The following OR51B5 variants were observed in gnomAD, a reference collection of about 807,000 sequenced individuals.
OR51B5 encodes the protein olfactory receptor family 51 subfamily B member 5.
For synonymous variants in OR51B5, 186 were observed against 144.8 expected, an observed-to-expected ratio of 1.28 and a Z score of -2.04; for missense variants, 456 against 374.6, an observed-to-expected ratio of 1.22 and a Z score of -1.79.
intron 1 of OR51B5, among the ~76,000 whole-genome samples, chr11:5,487,079 G>T (rs576674589): frequency 6.6e-6 from 1 of 152,232 alleles, no homozygotes; most frequent in South Asian, 2.1e-4. Flanking sequence ...ATGGACAGTA[G>T]GGTGAGGCAA....
At chr11:5,351,186 TTCTTTC>T (rs2133686916) in intron 1 of OR51B5, among the ~76,000 whole-genome samples, 1 of 152,328 alleles carries the variant, frequency 6.6e-6, no homozygotes, top group South Asian at 2.1e-4. Flanking sequence ...TAGTGATTTC[TTCTTTC>T]ATTTTGTTTT....
At chr11:5,351,579 GA>G (rs758710267) in intron 1 of OR51B5, 2 of 1,613,966 alleles carry the variant, frequency 1.2e-6, no homozygotes, top group African/African-American at 2.7e-5. Context: ...CACATCACTG[GA>G]TATTCATCCC....
intron 1 of OR51B5, among the ~76,000 whole-genome samples, chr11:5,448,046 A>C (rs1384080579): frequency 6.6e-6 from 1 of 152,218 alleles, no homozygotes. Flanking sequence ...AGGTTTAATT[A>C]TGCCAAATTC....
intron 1 of OR51B5, among the ~76,000 whole-genome samples, chr11:5,357,775 A>C (rs1211524231): frequency 6.6e-6 from 1 of 150,976 alleles, no homozygotes; most frequent in East Asian, 1.9e-4. Flanking sequence ...AAAGAACAGA[A>C]ATTATAACAA....
intron 1 of OR51B5, chr11:5,489,772 AGC>A (rs1212634185): frequency 1.3e-6 from 1 of 788,256 alleles, no homozygotes; most frequent in African/African-American, 1.7e-5. Flanking sequence ...CATGGCAGGA[AGC>A]TCTGGAAGGA....
chr11:5,353,779 T>A (rs1198867983), intron 1 of OR51B5, among the ~76,000 whole-genome samples: 1 of 152,240 alleles, frequency 6.6e-6, no homozygotes, highest in African/African-American at 2.4e-5. Context: ...ATACTGACAC[T>A]CAGTGATCTA....
At chr11:5,473,533 G>T (rs1418411177) in intron 1 of OR51B5, among the ~76,000 whole-genome samples, 3 of 152,194 alleles carry the variant, frequency 2.0e-5, no homozygotes, top group Non-Finnish European at 4.4e-5. Flanking sequence ...AAGAGTTAAT[G>T]TGAGAACAAT....
At chr11:5,451,412 G>C (rs888149143) in intron 1 of OR51B5, among the ~76,000 whole-genome samples, 1 of 152,204 alleles carries the variant, frequency 6.6e-6, no homozygotes, top group South Asian at 2.1e-4. Flanking sequence ...TATGAAGAAT[G>C]AGAGTGTAGT....
At chr11:5,357,889 C>T (rs1158279578) in intron 1 of OR51B5, among the ~76,000 whole-genome samples, 2 of 152,154 alleles carry the variant, frequency 1.3e-5, no homozygotes, top group East Asian at 3.9e-4. Flanking sequence ...TCCTGAATGA[C>T]TACTGGGTTC....
intron 1 of OR51B5, chr11:5,453,458 A>C: frequency 6.8e-7 from 1 of 1,465,666 alleles, no homozygotes; most frequent in Non-Finnish European, 9.1e-7. Flanking sequence ...AGAAGATCTG[A>C]CTCTGAAAAG....
At chr11:5,481,506 C>A (rs1446460280) in intron 1 of OR51B5, among the ~76,000 whole-genome samples, 4 of 143,504 alleles carry the variant, frequency 2.8e-5, no homozygotes, top group African/African-American at 1.1e-4. Flanking sequence ...AAGTTCTGGC[C>A]AGGGCAATTA....
In OR51B5 at chr11:5,407,969, A is replaced by T. The variant is rs1850084518; in HGVS notation, n.85-61059T>A. On this transcript the variant is annotated intron_variant and non_coding_transcript_variant, in intron 1 of 4. Coordinates refer to the OR51B5 transcript ENST00000415970. ...AAAGATTTGAGAGAATATATTTTGAAAATATTCACTTTCAGTCTATATTTC... is the reference window on the plus strand; with the variant it reads ...AAAGATTTGAGAGAATATATTTTGATAATATTCACTTTCAGTCTATATTTC... 2.0e-5 allele frequency among the ~76,000 whole-genome samples: 3 copies of T among 152,252 alleles called. No homozygotes were observed. The South Asian group carries it at 6.2e-4, about 32-fold the overall frequency.
At chr11:5,437,899 C>A (rs1007778124) in intron 1 of OR51B5, among the ~76,000 whole-genome samples, 6 of 152,106 alleles carry the variant, frequency 3.9e-5, no homozygotes, top group Non-Finnish European at 8.8e-5. Flanking sequence ...CCTTTTCTAT[C>A]AAGTGGTGCG....
chr11:5,422,905 G>A, intron 1 of OR51B5: 1 of 1,614,116 alleles, frequency 6.2e-7, no homozygotes, highest in Non-Finnish European at 8.5e-7. Context: ...CCTGGGCTGA[G>A]CGACTCCGTG....
intron 1 of OR51B5, chr11:5,422,235 T>G (rs1441093846): frequency 1.2e-6 from 2 of 1,613,332 alleles, no homozygotes; most frequent in East Asian, 4.5e-5. Context: ...CAAGAAGGCA[T>G]CTACTTCATC....
chr11:5,415,903 G>A (rs1361929918), intron 1 of OR51B5, among the ~76,000 whole-genome samples: 6 of 148,324 alleles, frequency 4.0e-5, no homozygotes, highest in Non-Finnish European at 9.0e-5. Flanking sequence ...AGAAAAAGAG[G>A]GAATCCTCCC....
chr11:5,425,958 C>G (rs1252045211), intron 1 of OR51B5, among the ~76,000 whole-genome samples: 1 of 152,116 alleles, frequency 6.6e-6, no homozygotes, highest in Non-Finnish European at 1.5e-5. Flanking sequence ...TTTGAAGTTG[C>G]CAAGGTGTCC....
intron 1 of OR51B5, among the ~76,000 whole-genome samples, chr11:5,498,131 T>C (rs548945648): frequency 6.6e-6 from 1 of 152,280 alleles, no homozygotes; most frequent in African/African-American, 2.4e-5. Flanking sequence ...TTGAGCCCTA[T>C]AGGATATTCC....
intron 1 of OR51B5, among the ~76,000 whole-genome samples, chr11:5,369,906 C>CAACA (rs761307860): frequency 1.3e-5 from 2 of 152,052 alleles, no homozygotes; most frequent in South Asian, 2.1e-4. Context: ...GTTTTGCTAT[C>CAACA]AACATAGAAA....
Sources: allele counts gnomAD v4.1 joint callset (sites outside exome capture counted in the v4.1 genomes callset), GRCh38; gene constraint gnomAD v4.1.1; transcripts MANE v1.5; gene names NCBI Gene and HGNC (gene_info 2026-07-23, HGNC 2026-07-21).